The following NDST4 variants were observed in gnomAD, a reference collection of about 807,000 sequenced individuals.
NDST4 encodes N-heparan sulfate sulfotransferase 4.
In NDST4, 63 loss-of-function variants were observed where a neutral mutation model predicts 100.8. The ratio of observed to expected loss-of-function variants is 0.62; its 90% CI spans 0.51 to 0.77. The LOEUF is 0.77. NDST4 is among the 30% of genes least tolerant of loss of function. The probability of loss-of-function intolerance (pLI) is 0.00; values close to 1 mark genes in which losing one functional copy is unlikely to be tolerated. For synonymous variants in NDST4, 377 were observed against 361.8 expected, an observed-to-expected ratio of 1.04 and a Z score of -0.48; for missense variants, 943 against 1,018.4, an observed-to-expected ratio of 0.93 and a Z score of 1.01.
At chr4:115,082,125 A>T (rs1464087727) in intron 1 of NDST4, among the ~76,000 whole-genome samples, 1 of 152,012 alleles carries the variant, frequency 6.6e-6, no homozygotes, top group African/African-American at 2.4e-5. Flanking sequence ...TCCTGTTCTC[A>T]TTTTTGTTTT....
Position 114,970,458 on chromosome 4 carries a change from T to C in NDST4, c.1193A>G (p.Gln398Arg), listed in dbSNP as rs536556990. ...LFHNESSLVE[Q>R]MILNKEFALE... ...TGCAAATTCCTTGTTGAGAATCATC[T>C]GCTCTACTAAAGATGACTCGTTGTG... The change falls in exon 4 of 14, where the codon CAG (glutamine) becomes CGG (arginine). Residue 398 changes from glutamine (Q) to arginine (R), a missense_variant. Physicochemically the swap from Gln to Arg is conservative, Grantham distance 43. Coordinates refer to ENST00000264363, the MANE Select transcript of NDST4 (RefSeq NM_022569.3). The C allele has an allele frequency of 3.7e-6, 6 of 1,613,924 alleles. No individual in the cohort carries two copies. The African/African-American group carries it at 8.0e-5, about 22-fold the overall frequency.
intron 1 of NDST4, among the ~76,000 whole-genome samples, chr4:115,097,473 T>C (rs1729642426): frequency 6.6e-6 from 1 of 152,164 alleles, no homozygotes; most frequent in Non-Finnish European, 1.5e-5. Context: ...CTCTCTTTCT[T>C]TCCCGTCAGA....
intron 6 of NDST4, among the ~76,000 whole-genome samples, chr4:114,933,432 C>CTTTTT (rs367931653): frequency 0.014 from 1,248 of 88,648 alleles, 3 homozygotes; most frequent in Middle Eastern, 0.016. Flanking sequence ...TTTTCTTTTC[C>CTTTTT]TTTTTTTTTT....
At chr4:115,026,996 C>T (rs891117330) in intron 2 of NDST4, among the ~76,000 whole-genome samples, 6 of 152,102 alleles carry the variant, frequency 3.9e-5, no homozygotes, top group Admixed American at 2.6e-4. Context: ...AGTCTAGTTG[C>T]TGTTTAACTC....
At chr4:114,855,456 A>T (rs4834446) in intron 7 of NDST4, among the ~76,000 whole-genome samples, 10 of 152,296 alleles carry the variant, frequency 6.6e-5, no homozygotes, top group Admixed American at 1.3e-4. Flanking sequence ...TTGTGTACGG[A>T]GAGAGATAGG....
chr4:115,054,948 A>G (rs780506644), intron 2 of NDST4, among the ~76,000 whole-genome samples: 67 of 152,070 alleles, frequency 4.4e-4, no homozygotes, highest in Non-Finnish European at 5.9e-5. Context: ...CCTGTTAGCA[A>G]CCAGGCCACA....
intron 2 of NDST4, among the ~76,000 whole-genome samples, chr4:115,075,443 A>G (rs1340576083): frequency 6.6e-6 from 1 of 152,146 alleles, no homozygotes; most frequent in Non-Finnish European, 1.5e-5. Context: ...ATGTACTATA[A>G]TAAGGGAGGT....
At chr4:115,042,055 T>C (rs1728362769) in intron 2 of NDST4, among the ~76,000 whole-genome samples, 1 of 152,146 alleles carries the variant, frequency 6.6e-6, no homozygotes, top group Non-Finnish European at 1.5e-5. Context: ...CCACCCTTAA[T>C]ATGGTTTCAT....
intron 2 of NDST4, among the ~76,000 whole-genome samples, chr4:114,982,135 T>A (rs1351805896): frequency 6.6e-6 from 1 of 152,104 alleles, no homozygotes; most frequent in East Asian, 1.9e-4. Context: ...ATACAGAAAA[T>A]TGGTATTGGG....
intron 2 of NDST4, among the ~76,000 whole-genome samples, chr4:115,007,447 G>T (rs1208839775): frequency 2.0e-5 from 3 of 152,188 alleles, no homozygotes; most frequent in Non-Finnish European, 4.4e-5. Flanking sequence ...AATGTAGACA[G>T]CACCTTCAAG....
chr4:115,089,302 A>G (rs750596868), intron 1 of NDST4, among the ~76,000 whole-genome samples: 3 of 151,922 alleles, frequency 2.0e-5, no homozygotes, highest in Non-Finnish European at 4.4e-5. Flanking sequence ...CAAAATATTG[A>G]TCGTCTCTGT....
chr4:115,056,385 A>G (rs1257637622), intron 2 of NDST4, among the ~76,000 whole-genome samples: 3 of 152,074 alleles, frequency 2.0e-5, no homozygotes, highest in Admixed American at 1.3e-4. Context: ...AGAGTAAAAC[A>G]CCTATAGGCT....
chr4:114,849,161 A>G (rs1452311537), intron 8 of NDST4, among the ~76,000 whole-genome samples: 1 of 152,210 alleles, frequency 6.6e-6, no homozygotes, highest in Non-Finnish European at 1.5e-5. Context: ...GATAGAAACC[A>G]CCTGTGTGCA....
At chr4:115,048,669 A>G (rs935497771) in intron 2 of NDST4, among the ~76,000 whole-genome samples, 1 of 151,240 alleles carries the variant, frequency 6.6e-6, no homozygotes, top group African/African-American at 2.4e-5. Context: ...TTTTTCATAT[A>G]CCTGTTGGCC....
chr4:114,899,364 A>T (rs1409947212), intron 6 of NDST4, among the ~76,000 whole-genome samples: 1 of 152,024 alleles, frequency 6.6e-6, no homozygotes, highest in Non-Finnish European at 1.5e-5. Context: ...TTTTTAGTAT[A>T]GACAGGGTTT....
At chr4:114,883,008 CA>C (rs1456043111) in intron 6 of NDST4, among the ~76,000 whole-genome samples, 1 of 151,594 alleles carries the variant, frequency 6.6e-6, no homozygotes, top group Non-Finnish European at 1.5e-5. Flanking sequence ...AGTTATCATT[CA>C]AAAGTGAATG....
At chr4:115,078,160 A>G (rs1298814791) in intron 1 of NDST4, among the ~76,000 whole-genome samples, 1 of 152,170 alleles carries the variant, frequency 6.6e-6, no homozygotes, top group East Asian at 1.9e-4. Context: ...TATAAAGAAA[A>G]AAAGGATTAA....
chr4:114,890,309 G>T (rs1013059686), intron 6 of NDST4, among the ~76,000 whole-genome samples: 1 of 151,956 alleles, frequency 6.6e-6, no homozygotes, highest in Non-Finnish European at 1.5e-5. Context: ...TTATCACGAT[G>T]ACTATAAGTA....
At chr4:114,839,885 A>T (rs1723389975) in intron 10 of NDST4, among the ~76,000 whole-genome samples, 1 of 152,170 alleles carries the variant, frequency 6.6e-6, no homozygotes, top group Admixed American at 6.5e-5. Context: ...TGCAAGGCAG[A>T]GGTAGGATGT....
Sources: allele counts gnomAD v4.1 joint callset (sites outside exome capture counted in the v4.1 genomes callset), GRCh38; gene constraint gnomAD v4.1.1; transcripts MANE v1.5; gene names NCBI Gene and HGNC (gene_info 2026-07-23, HGNC 2026-07-21).